The following CMTR1 variants were observed in gnomAD, a reference collection of about 807,000 sequenced individuals.
CMTR1 encodes the protein cap methyltransferase 1, also known as cap-specific mRNA (nucleoside-2'-O-)-methyltransferase 1.
CMTR1 carries 39 observed loss-of-function variants against 107.0 expected under a neutral mutation model. That is an observed-to-expected ratio of 0.36 (90% CI 0.28 to 0.48). The LOEUF (loss-of-function observed/expected upper bound fraction) is 0.48, where lower values mean the gene tolerates loss of function less well. Among genes scored for constraint, CMTR1 ranks in the 20% least tolerant of loss-of-function variants. The pLI is 0.99. For missense variants in CMTR1, 672 were observed against 1,064.9 expected, an observed-to-expected ratio of 0.63 and a Z score of 5.14; for synonymous variants, 366 against 379.5, an observed-to-expected ratio of 0.96 and a Z score of 0.41.
In CMTR1 at chr6:37,444,035, C is replaced by A; in HGVS notation, c.170C>A (p.Thr57Asn). The change falls in exon 3 of 24, where the codon ACC becomes AAC. Residue 57 changes from threonine (T) to asparagine (N), a missense_variant. Transcript: ENST00000373451. ...AGCCTTAGTGGGTCTGATAGTGAGA[C>A]CGAGGGGAAACAACACAGCTCTGAC... ...TTSLSGSDSE[T>N]EGKQHSSDSF... 6.2e-7 allele frequency: 1 copy of A among 1,614,082 alleles called. No individual in the cohort carries two copies. The highest frequency in any genetic ancestry group is 8.5e-7 in the Non-Finnish European group (1 of 1,180,022).
chr6:37,473,662 T>C, intron 17 of CMTR1, 61 bp downstream of exon 17: 3 of 1,569,488 alleles, frequency 1.9e-6, no homozygotes, highest in Non-Finnish European at 2.6e-6. Flanking sequence ...TTGCGGAATC[T>C]GGACAGCTGC....
chr6:37,480,082 C>T lies in CMTR1; in HGVS notation c.2445C>T (p.Pro815=), dbSNP rs1341682030. 1 of 1,591,492 alleles carries T rather than the reference C, an allele frequency of 6.3e-7. No individual in the cohort carries two copies. The change falls in exon 24 of 24, where the codon CCC becomes CCT. Residue 815 remains proline, a synonymous_variant. Transcript: ENST00000373451. ...TTCGTGTGCATGACTCCCAGAAGCCCCAGGACCAGGACAAGCTGTCCAAGG... is the reference window on the plus strand; with the variant it reads ...TTCGTGTGCATGACTCCCAGAAGCCTCAGGACCAGGACAAGCTGTCCAAGG... ...DGIRVHDSQK[P]QDQDKLSKED... is the part of the protein sequence containing the mutation.
intron 5 of CMTR1, among the ~76,000 whole-genome samples, chr6:37,451,576 C>T (rs1379986629): frequency 6.6e-6 from 1 of 152,102 alleles, no homozygotes; most frequent in East Asian, 1.9e-4. Context: ...ATATGGTGCT[C>T]TACTCAGAGC....
At chr6:37,428,519 G>A (rs369184065), upstream of CMTR1, among the ~76,000 whole-genome samples, 13 of 152,200 alleles carry the variant, frequency 8.5e-5, no homozygotes, top group South Asian at 2.5e-3. Context: ...GTGCAGTGGT[G>A]TGATCTCTGC....
At chr6:37,435,014 G>A (rs974145047) in intron 1 of CMTR1, among the ~76,000 whole-genome samples, 2 of 152,028 alleles carry the variant, frequency 1.3e-5, no homozygotes, top group African/African-American at 2.4e-5. Flanking sequence ...TAACTTTCCC[G>A]CTCTTGTGTT....
At chr6:37,467,159 C>T (rs961090029) in intron 13 of CMTR1, among the ~76,000 whole-genome samples, 3 of 151,716 alleles carry the variant, frequency 2.0e-5, no homozygotes, top group Non-Finnish European at 2.9e-5. Context: ...AGAACGAGAC[C>T]GTGTCTCAAA....
At chr6:37,456,196 T>C (rs534919028) in intron 8 of CMTR1, among the ~76,000 whole-genome samples, 1 of 152,372 alleles carries the variant, frequency 6.6e-6, no homozygotes, top group South Asian at 2.1e-4. Context: ...CTTTGCAGTA[T>C]GTGTAGGGCT....
chr6:37,475,266 G>A, intron 18 of CMTR1, 55 bp from the exon 19 acceptor site: 3 of 1,399,490 alleles, frequency 2.1e-6, no homozygotes, highest in Non-Finnish European at 3.0e-6. Context: ...GTGGGTAGTG[G>A]GGGCTGAAGG....
At position 37,471,859 on chromosome 6, in the gene CMTR1, G is replaced by T. The variant is rs767859059; in HGVS notation, c.1575G>T (p.Glu525Asp). ...TTCATATTCCCAGGACACTGAGTGAGCCTCGACAGGCAGAGATACGGAAGG... is the reference window on the plus strand; with the variant it reads ...TTCATATTCCCAGGACACTGAGTGATCCTCGACAGGCAGAGATACGGAAGG... ...HAFVQDTTLS[E>D]PRQAEIRKEC... Residue 525 changes from glutamate to aspartate, a missense_variant, in exon 15 of 24, where the codon GAG (glutamate) becomes GAT (aspartate). Coordinates refer to ENST00000373451, the MANE Select transcript of CMTR1 (RefSeq NM_015050.3). 53 of 1,613,830 alleles carry T rather than the reference G, an allele frequency of 3.3e-5. No individual in the cohort carries two copies. Among genetic ancestry groups the T allele is most frequent in the Non-Finnish European group, 6.8e-6 (8 of 1,179,998 alleles).
intron 8 of CMTR1, among the ~76,000 whole-genome samples, chr6:37,453,974 AT>A (rs1374768265): frequency 6.6e-6 from 1 of 152,204 alleles, no homozygotes; most frequent in Non-Finnish European, 1.5e-5. Flanking sequence ...TTTGCGTGGG[AT>A]CATAATTATA....
chr6:37,451,473 C>T (rs1218180069), intron 5 of CMTR1, among the ~76,000 whole-genome samples: 2 of 152,288 alleles, frequency 1.3e-5, no homozygotes, highest in East Asian at 1.9e-4. Context: ...AGGCATTCCC[C>T]ATCCTTCTGC....
intron 3 of CMTR1, 33 bp downstream of exon 3, chr6:37,444,183 C>T: frequency 2.5e-6 from 4 of 1,605,410 alleles, no homozygotes; most frequent in Non-Finnish European, 8.5e-7. Flanking sequence ...TTTCTCAAGC[C>T]CCACCAGCAG....
Position 37,462,801 on chromosome 6 carries a change from G to C in CMTR1, c.1326-28G>C, listed in dbSNP as rs187000019. 5 of 1,607,668 alleles carry C rather than the reference G, an allele frequency of 3.1e-6. No homozygotes were observed. In the South Asian group the frequency reaches 3.3e-5, roughly 11 times the overall value. On this transcript the variant is annotated intron_variant, in intron 12 of 23. Transcript: ENST00000373451. ...ATGTATGGGGAGGAAGCCCTTGCTC[G>C]GTGGAGTGACAGAGTATCTTCTGCC...
chr6:37,462,936 A>T lies in CMTR1; in HGVS notation c.1433A>T (p.Asn478Ile), dbSNP rs1761431337. The T allele has an allele frequency of 4.3e-6, 7 of 1,614,246 alleles. No homozygotes were observed. The highest frequency in any genetic ancestry group is 5.9e-6 in the Non-Finnish European group (7 of 1,180,052). The change falls in exon 13 of 24, where the codon AAC (asparagine) becomes ATC (isoleucine). Residue 478 changes from asparagine to isoleucine, a missense_variant. Asn to Ile is a moderately radical substitution (Grantham distance 149). Around this residue, in one of 2 missense-constraint regions of CMTR1, gnomAD observed 583 missense variants for 968.4 expected, o/e 0.60. Coordinates refer to ENST00000373451, the MANE Select transcript of CMTR1 (RefSeq NM_015050.3). ...NQLRNTDSDV[N>I]LVVPLEVIKG... The stretch of plus-strand genomic sequence containing the variant: ...CTGCGGAACACGGATTCCGACGTCA[A>T]CTTGGTGGTCCCCCTGGAGGTGATC...
Position 37,466,108 on chromosome 6 carries a change from G to GTTTTTTTTTTTTT in CMTR1, c.1505+3105_1505+3106insTTTTTTTTTTTTT, listed in dbSNP as rs747910111. Among the ~76,000 whole-genome samples, 4 of 127,710 alleles carry GTTTTTTTTTTTTT rather than the reference G, an allele frequency of 3.1e-5. 1 individual carries two copies. The highest frequency in any genetic ancestry group is 8.0e-5 in the Admixed American group (1 of 12,470). The allele number at this position is 127,710 out of a possible 152,430, so 83.8% of individuals were successfully genotyped here. A position where few individuals can be genotyped will look rare whatever the true frequency, so the allele number is the denominator to read the frequency against. The stretch of plus-strand genomic sequence containing the variant: ...CTCTATGTTTTTAAAGAGTTTTACA[G>GTTTTTTTTTTTTT]TTTTTGTTTTTTTTTTTTTTTTTGA... On this transcript the variant is annotated intron_variant, in intron 13 of 23. Transcript: ENST00000373451.
intron 19 of CMTR1, 111 bp downstream of exon 19, chr6:37,475,523 A>AT (rs1436925772): frequency 2.3e-6 from 2 of 863,130 alleles, no homozygotes; most frequent in Admixed American, 4.5e-5. Context: ...GCTTGTTGAC[A>AT]TCCTGAGAGT....
intron 8 of CMTR1, among the ~76,000 whole-genome samples, chr6:37,457,608 C>A (rs1336921538): frequency 6.6e-6 from 1 of 152,076 alleles, no homozygotes; most frequent in Non-Finnish European, 1.5e-5. Flanking sequence ...GCCAAACATA[C>A]CATGGTGTAA....
Position 37,453,299 on chromosome 6 carries a change from G to A in CMTR1, c.764G>A (p.Arg255Gln), listed in dbSNP as rs368995317. Residue 255 changes from arginine to glutamine, a missense_variant, in exon 8 of 24, where the codon CGG becomes CAG. Physicochemically the swap from Arg to Gln is conservative, Grantham distance 43. Coordinates refer to ENST00000373451, the MANE Select transcript of CMTR1 (RefSeq NM_015050.3). The stretch of plus-strand genomic sequence containing the variant: ...TTTGATCGCATGTTCACAAATCCGC[G>A]GGACTCTTATGGGGTGAGAACAAGA... The part of the protein sequence containing the change: ...FVFDRMFTNP[R>Q]DSYGKPLVKD... 37 of 1,614,104 alleles carry A rather than the reference G, an allele frequency of 2.3e-5. No individual in the cohort carries two copies. The highest frequency in any genetic ancestry group is 3.1e-5 in the Non-Finnish European group (37 of 1,179,978).
chr6:37,446,323 G>A lies in CMTR1; in HGVS notation c.318G>A (p.Leu106=), dbSNP rs759902501. The A allele has an allele frequency of 2.1e-5, 34 of 1,614,062 alleles. No individual in the cohort carries two copies. The highest frequency in any genetic ancestry group is 2.8e-5 in the Non-Finnish European group (33 of 1,180,036). Residue 106 remains leucine (L), a synonymous_variant, in exon 4 of 24, where the codon TTG becomes TTA. Coordinates refer to ENST00000373451, the MANE Select transcript of CMTR1 (RefSeq NM_015050.3). ...TGGGCTTCAGGGAAGGTGAAGGATTGGGTAAATACAGCCAGGGTCGGAAGG... is the reference window on the plus strand; with the variant it reads ...TGGGCTTCAGGGAAGGTGAAGGATTAGGTAAATACAGCCAGGGTCGGAAGG... ...AKMGFREGEG[L]GKYSQGRKDI... is the part of the protein sequence containing the mutation.
Sources: allele counts gnomAD v4.1 joint callset (sites outside exome capture counted in the v4.1 genomes callset), GRCh38; gene constraint gnomAD v4.1.1; regional missense constraint gnomAD v4.1.1; transcripts MANE v1.5; gene names NCBI Gene and HGNC (gene_info 2026-07-23, HGNC 2026-07-21).